Variants in MALT1 observed in about 807,000 individuals in gnomAD.
The protein encoded by MALT1 is MALT1 paracaspase, also known as mucosa-associated lymphoid tissue lymphoma translocation protein 1.
Under a neutral mutation model 85.5 loss-of-function variants are expected in MALT1, and 36 were observed. That is an observed-to-expected ratio of 0.42 (90% CI 0.32 to 0.56). The LOEUF (loss-of-function observed/expected upper bound fraction) is 0.56. MALT1 is among the 20% of genes least tolerant of loss of function. MALT1 has a pLI of 0.10. For missense variants in MALT1, 716 were observed against 981.6 expected, an observed-to-expected ratio of 0.73 and a Z score of 3.62; for synonymous variants, 359 against 361.3, an observed-to-expected ratio of 0.99 and a Z score of 0.07.
intron 3 of MALT1, among the ~76,000 whole-genome samples, chr18:58,699,505 C>T (rs1195031204): frequency 6.6e-6 from 1 of 152,116 alleles, no homozygotes; most frequent in Admixed American, 6.5e-5. Flanking sequence ...TGTTAAAGTA[C>T]AGGTTGAATA....
chr18:58,684,883 AT>A (rs1250225417), intron 2 of MALT1, among the ~76,000 whole-genome samples: 1 of 152,216 alleles, frequency 6.6e-6, no homozygotes, highest in Non-Finnish European at 1.5e-5. Flanking sequence ...AATCAACTTA[AT>A]TGGTGGTTTG....
intron 10 of MALT1, among the ~76,000 whole-genome samples, chr18:58,725,779 G>T (rs544063062): frequency 1.3e-5 from 2 of 152,270 alleles, no homozygotes; most frequent in Admixed American, 1.3e-4. Context: ...AAATCCTGTG[G>T]CCAGGGCATG....
In MALT1 at chr18:58,677,508, A is replaced by G. The variant is rs141232724; in HGVS notation, c.210-3662A>G. The G allele has an allele frequency of 1.7e-4, 26 of 152,332 alleles. No individual in the cohort carries two copies. In the East Asian group the frequency reaches 4.2e-3, roughly 25 times the overall value. The allele number at this position is 152,332 out of a possible 1,614,324, so 9.4% of individuals were successfully genotyped here. A position where few individuals can be genotyped will look rare whatever the true frequency, so the allele number is the denominator to read the frequency against. ...GTAATCCTTGTATTGTTTCTAATAC[A>G]GGTTCTTTCACTTGGGTATTTCAGA... On this transcript the variant is annotated intron_variant, in intron 1 of 16. Transcript: ENST00000649217.
At chr18:58,736,707 C>T (rs534383978) in intron 13 of MALT1, among the ~76,000 whole-genome samples, 15 of 152,306 alleles carry the variant, frequency 9.8e-5, no homozygotes, top group South Asian at 2.1e-4. Context: ...TTTTGCTTTT[C>T]GCTGATCTTT....
At chr18:58,734,206 A>G in intron 11 of MALT1, 101 bp from the exon 12 acceptor site, 1 of 1,083,772 alleles carries the variant, frequency 9.2e-7, no homozygotes, top group Non-Finnish European at 1.3e-6. Flanking sequence ...TAAATTATGT[A>G]TTCTAAAAAA....
intron 4 of MALT1, among the ~76,000 whole-genome samples, chr18:58,704,427 T>C (rs1000380881): frequency 1.3e-5 from 2 of 152,200 alleles, no homozygotes; most frequent in Non-Finnish European, 2.9e-5. Context: ...AAGTTTACTT[T>C]GTGTGATACT....
chr18:58,747,096 G>A (rs980184188), intron 16 of MALT1, among the ~76,000 whole-genome samples: 2 of 152,176 alleles, frequency 1.3e-5, no homozygotes, highest in Non-Finnish European at 2.9e-5. Context: ...TTCCTAAGCT[G>A]CACTGCTTGG....
chr18:58,671,999 C>G, intron 1 of MALT1, 147 bp downstream of exon 1: 1 of 459,512 alleles, frequency 2.2e-6, no homozygotes, highest in Non-Finnish European at 3.4e-6. Flanking sequence ...GTCATTGAGG[C>G]GGAGCGGAAC....
chr18:58,679,749 A>G (rs372090252), intron 1 of MALT1, among the ~76,000 whole-genome samples: 566 of 152,162 alleles, frequency 3.7e-3, no homozygotes, highest in Non-Finnish European at 6.4e-3. Flanking sequence ...GGGCTTCACC[A>G]TGTTGGCCAG....
At chr18:58,744,592 A>C in intron 15 of MALT1, 97 bp downstream of exon 15, 1 of 533,336 alleles carries the variant, frequency 1.9e-6, no homozygotes, top group Non-Finnish European at 3.1e-6. Flanking sequence ...TATAAAGGAA[A>C]TATATATATT....
At chr18:58,740,466 C>A (rs1206939495) in intron 13 of MALT1, among the ~76,000 whole-genome samples, 2 of 152,034 alleles carry the variant, frequency 1.3e-5, no homozygotes, top group Non-Finnish European at 2.9e-5. Flanking sequence ...ACATCACTTT[C>A]ATCACACATC....
intron 9 of MALT1, among the ~76,000 whole-genome samples, chr18:58,716,906 G>C (rs540722833): frequency 1.3e-5 from 2 of 152,276 alleles, no homozygotes; most frequent in East Asian, 3.9e-4. Flanking sequence ...TTTGGGCCAA[G>C]GTGAAAACAA....
intron 2 of MALT1, among the ~76,000 whole-genome samples, chr18:58,681,539 T>G (rs906543710): frequency 1.3e-5 from 2 of 152,218 alleles, no homozygotes; most frequent in African/African-American, 4.8e-5. Flanking sequence ...ACATGAGACA[T>G]TTTTGAGATA....
At chr18:58,698,099 G>A (rs1185775928) in intron 3 of MALT1, among the ~76,000 whole-genome samples, 2 of 138,076 alleles carry the variant, frequency 1.4e-5, no homozygotes, top group African/African-American at 2.6e-5. Context: ...ATGGAGTCTC[G>A]CTCTGTCGCC....
At chr18:58,737,964 T>C (rs1363504588) in intron 13 of MALT1, among the ~76,000 whole-genome samples, 2 of 152,224 alleles carry the variant, frequency 1.3e-5, no homozygotes, top group Non-Finnish European at 2.9e-5. Flanking sequence ...CATCAATCTG[T>C]AACGTGACTT....
At chr18:58,705,306 G>GTGTA (rs1555685571) in intron 4 of MALT1, among the ~76,000 whole-genome samples, 20 of 148,222 alleles carry the variant, frequency 1.3e-4, no homozygotes, top group African/African-American at 5.2e-4. Context: ...GTGTGTGTGT[G>GTGTA]TGTGTGTGTG....
intron 1 of MALT1, among the ~76,000 whole-genome samples, chr18:58,679,209 G>T (rs972556519): frequency 6.6e-6 from 1 of 152,102 alleles, no homozygotes; most frequent in African/African-American, 2.4e-5. Context: ...TACCACTACT[G>T]CACACAATAA....
chr18:58,674,601 G>C (rs2054213530), intron 1 of MALT1, among the ~76,000 whole-genome samples: 1 of 152,246 alleles, frequency 6.6e-6, no homozygotes, highest in African/African-American at 2.4e-5. Context: ...GGGCTGGACA[G>C]TGAAGCAAGG....
intron 2 of MALT1, among the ~76,000 whole-genome samples, chr18:58,688,612 T>C (rs117619206): frequency 5.4e-5 from 8 of 147,460 alleles, no homozygotes; most frequent in Admixed American, 2.1e-4. Flanking sequence ...AAAGGAAGGA[T>C]AACTTTTAGA....
Sources: allele counts gnomAD v4.1 joint callset (sites outside exome capture counted in the v4.1 genomes callset), GRCh38; gene constraint gnomAD v4.1.1; transcripts MANE v1.5; gene names NCBI Gene and HGNC (gene_info 2026-07-23, HGNC 2026-07-21).